TBC1D16: variants seen among roughly 807,000 people sequenced by gnomAD.
The protein encoded by TBC1D16 is TBC1 domain family member 16, also known as CTD-2529O21.1.
In TBC1D16, 58 loss-of-function variants were observed where a neutral mutation model predicts 74.7. That is an observed-to-expected ratio of 0.78 (90% confidence interval 0.63 to 0.97). The LOEUF (loss-of-function observed/expected upper bound fraction) is 0.97. Among genes scored for constraint, TBC1D16 ranks in the 50% least tolerant of loss-of-function variants. TBC1D16 has a pLI of 0.00. For missense variants in TBC1D16, 1,014 were observed against 1,079.5 expected, an observed-to-expected ratio of 0.94 and a Z score of 0.85; for synonymous variants, 493 against 474.7, an observed-to-expected ratio of 1.04 and a Z score of -0.50.
At chr17:79,964,949 A>T (rs763699114) in intron 3 of TBC1D16, among the ~76,000 whole-genome samples, 3 of 152,188 alleles carry the variant, frequency 2.0e-5, no homozygotes, top group Non-Finnish European at 2.9e-5. Context: ...AGAAGTAGAA[A>T]ATAATACTAA....
intron 3 of TBC1D16, among the ~76,000 whole-genome samples, chr17:79,998,722 T>C (rs1046720670): frequency 2.6e-5 from 4 of 151,980 alleles, no homozygotes; most frequent in African/African-American, 9.7e-5. Flanking sequence ...CTCATTTCCT[T>C]TTATCCATAA....
chr17:79,943,613 C>G (rs1034476538), intron 10 of TBC1D16, among the ~76,000 whole-genome samples: 2 of 144,954 alleles, frequency 1.4e-5, no homozygotes, highest in African/African-American at 2.5e-5. Flanking sequence ...GGGATGGGAC[C>G]GACCGTGGCT....
In TBC1D16 at chr17:79,941,226, A is replaced by C; in HGVS notation, c.2056-119T>G. 2.0e-6 allele frequency: 2 copies of C among 1,013,642 alleles called. No homozygotes were observed. Among genetic ancestry groups the C allele is most frequent in the Non-Finnish European group, 2.8e-6 (2 of 702,398 alleles). 62.8% of individuals were successfully genotyped at this position (1,013,642 alleles called of 1,614,324 possible). On this transcript the variant is annotated intron_variant, in intron 11 of 11. Transcript: ENST00000310924. The surrounding 1 kb of genome is among the most constrained non-coding windows in gnomAD (Gnocchi z 4.3). ...ACAACGGCCTGCACCTCGGGGGCTC[A>C]CCGAGTCCTGGACTGAGGGCTCTGC...
chr17:79,974,611 GA>G (rs2144159600), intron 3 of TBC1D16, among the ~76,000 whole-genome samples: 1 of 152,276 alleles, frequency 6.6e-6, no homozygotes, highest in East Asian at 1.9e-4. Context: ...AGTGAGGGGG[GA>G]CTATATGTAT....
intron 3 of TBC1D16, among the ~76,000 whole-genome samples, chr17:79,974,571 G>A (rs1174992332): frequency 6.6e-6 from 1 of 152,114 alleles, no homozygotes; most frequent in Non-Finnish European, 1.5e-5. Context: ...GTTGGCCGAG[G>A]GTAACTGAAA....
intron 3 of TBC1D16, among the ~76,000 whole-genome samples, chr17:79,969,994 A>G (rs773536125): frequency 6.6e-6 from 1 of 152,200 alleles, no homozygotes; most frequent in Non-Finnish European, 1.5e-5. Flanking sequence ...ATGTACACAC[A>G]TGTTCATAGT....
intron 1 of TBC1D16, among the ~76,000 whole-genome samples, chr17:80,014,055 T>A (rs1401485477): frequency 6.6e-6 from 1 of 152,138 alleles, no homozygotes; most frequent in African/African-American, 2.4e-5. Context: ...CCCTTCTAAT[T>A]CATTAAAAAG....
At chr17:80,003,800 A>G (rs2035579572) in intron 3 of TBC1D16, among the ~76,000 whole-genome samples, 1 of 152,210 alleles carries the variant, frequency 6.6e-6, no homozygotes, top group South Asian at 2.1e-4. Flanking sequence ...CTGTAATCCC[A>G]GCACTTTGGG....
At position 79,942,072 on chromosome 17, in the gene TBC1D16, G is replaced by T. The variant is rs150703060; in HGVS notation, c.2043C>A (p.Leu681=). ...GNLAMHMNGE[L]VLRKARSLLY... is the part of the protein sequence containing the mutation. The stretch of plus-strand genomic sequence containing the variant: ...GGGGCAGCCTCACCTTCCGGAGAAC[G>T]AGCTCCCCGTTCATGTGCATGGCCA... Residue 681 remains leucine, a synonymous_variant, in exon 11 of 12, where the codon CTC becomes CTA. Transcript: ENST00000310924. 1 of 1,611,620 alleles carries T rather than the reference G, an allele frequency of 6.2e-7. No individual in the cohort carries two copies. Among genetic ancestry groups the T allele is most frequent in the African/African-American group, 1.3e-5 (1 of 75,020 alleles).
At position 80,007,257 on chromosome 17, in the gene TBC1D16, G is replaced by A. The variant is rs1191610830; in HGVS notation, c.779+2903C>T. Among the ~76,000 whole-genome samples, 1 of 152,156 alleles carries A rather than the reference G, an allele frequency of 6.6e-6. No individual in the cohort carries two copies. The highest frequency in any genetic ancestry group is 1.5e-5 in the Non-Finnish European group (1 of 68,020). On this transcript the variant is annotated intron_variant, in intron 3 of 11. Coordinates refer to ENST00000310924, the MANE Select transcript of TBC1D16 (RefSeq NM_019020.4). The surrounding 1 kb of genome is among the most constrained non-coding windows in gnomAD (Gnocchi z 4.5). ...GCCGGGCTGTGGTAAGCACCCCCCA[G>A]CACGGTCTCCGGGTGGGGACGAGTC... is the stretch of plus-strand genomic sequence containing the variant.
chr17:79,963,888 C>T (rs1032809018), intron 3 of TBC1D16, among the ~76,000 whole-genome samples: 9 of 152,098 alleles, frequency 5.9e-5, no homozygotes, highest in African/African-American at 1.7e-4. Flanking sequence ...TTTGGAGACA[C>T]GTCTTTTCAA....
intron 1 of TBC1D16, among the ~76,000 whole-genome samples, chr17:80,030,732 C>T (rs917286258): frequency 6.6e-6 from 1 of 152,214 alleles, no homozygotes; most frequent in Non-Finnish European, 1.5e-5. Flanking sequence ...ACCAGAGGGA[C>T]GCAGCCCATG....
intron 7 of TBC1D16, 99 bp from the exon 8 acceptor site, chr17:79,949,105 G>C: frequency 1.3e-6 from 2 of 1,531,410 alleles, no homozygotes; most frequent in South Asian, 2.4e-5. Context: ...CCCAACCCCC[G>C]TTCCCTGGAC....
chr17:79,986,959 C>A lies in TBC1D16; in HGVS notation c.779+23201G>T, dbSNP rs1364043319. On this transcript the variant is annotated intron_variant, in intron 3 of 11. Transcript: ENST00000310924. The surrounding 1 kb of genome is among the most constrained non-coding windows in gnomAD (Gnocchi z 6.0). Reference sequence around the variant, plus strand: ...TACTTGGCTCCCTTCCCGGGATGGCCTTGTAGCAAATCCATCTGGGATATG... The same window carrying A: ...TACTTGGCTCCCTTCCCGGGATGGCATTGTAGCAAATCCATCTGGGATATG... Among the ~76,000 whole-genome samples, 2 of 152,244 alleles carry A rather than the reference C, an allele frequency of 1.3e-5. No individual in the cohort carries two copies. Among genetic ancestry groups the A allele is most frequent in the Non-Finnish European group, 2.9e-5 (2 of 68,042 alleles).
intron 3 of TBC1D16, among the ~76,000 whole-genome samples, chr17:79,995,020 C>T (rs750585716): frequency 5.9e-5 from 9 of 152,102 alleles, no homozygotes; most frequent in Non-Finnish European, 1.3e-4. Flanking sequence ...TAGCTATGGC[C>T]GGGCACCGTG....
At position 79,961,735 on chromosome 17, in the gene TBC1D16, C is replaced by T. The variant is rs576831946; in HGVS notation, c.780-8917G>A. Among the ~76,000 whole-genome samples, 97 of 152,158 alleles carry T rather than the reference C, an allele frequency of 6.4e-4. No individual in the cohort carries two copies. The highest frequency in any genetic ancestry group is 4.5e-3 in the Admixed American group (69 of 15,282). ...AAAATCAGCCAGACGTGGTGGCGGGCGCCTATAATCCCAGCTACTCGGGAG... is the reference window on the plus strand; with the variant it reads ...AAAATCAGCCAGACGTGGTGGCGGGTGCCTATAATCCCAGCTACTCGGGAG... On this transcript the variant is annotated intron_variant, in intron 3 of 11. Transcript: ENST00000310924. This position sits in a 1 kb window ranked among gnomAD's most constrained non-coding sequence, Gnocchi z 4.8.
In TBC1D16 at chr17:79,944,313, A is replaced by C. The variant is rs1336093660; in HGVS notation, c.1908+595T>G. 6.6e-6 allele frequency among the ~76,000 whole-genome samples: 1 copy of C among 152,040 alleles called. No homozygotes were observed. The highest frequency in any genetic ancestry group is 1.5e-5 in the Non-Finnish European group (1 of 68,010). ...CTGATGGACTCAAAGAGACTTGCTT[A>C]TCTTTTGACATCTCCAGCTTGTCCC... is the stretch of plus-strand genomic sequence containing the variant. On this transcript the variant is annotated intron_variant, in intron 10 of 11. Transcript: ENST00000310924. This position sits in a 1 kb window ranked among gnomAD's most constrained non-coding sequence, Gnocchi z 7.7.
At chr17:79,948,098 G>A (rs1180971980) in intron 8 of TBC1D16, among the ~76,000 whole-genome samples, 1 of 152,178 alleles carries the variant, frequency 6.6e-6, no homozygotes, top group Non-Finnish European at 1.5e-5. Flanking sequence ...ATCACCTGAG[G>A]TCAGGAGTTC....
Position 79,950,178 on chromosome 17 carries a change from C to A in TBC1D16, c.1257+233G>T, listed in dbSNP as rs550672738. Among the ~76,000 whole-genome samples the A allele has an allele frequency of 2.6e-5, 4 of 152,012 alleles. No individual in the cohort carries two copies. Among genetic ancestry groups the A allele is most frequent in the African/African-American group, 7.2e-5 (3 of 41,506 alleles). On this transcript the variant is annotated intron_variant, in intron 6 of 11. Transcript: ENST00000310924. This position sits in a 1 kb window ranked among gnomAD's most constrained non-coding sequence, Gnocchi z 4.6. ...CCTTCTATGCAGGCTGACACGGTAT[C>A]CCCCCAAACCCTCGAGGGAGGTGTT...
Sources: gnomAD v4.1 joint callset for allele counts (sites outside exome capture counted in the v4.1 genomes callset) on GRCh38, gnomAD v4.1.1 for gene constraint, Gnocchi (gnomAD v3.1) non-coding constraint, MANE v1.5 for transcripts, NCBI Gene and HGNC (gene_info 2026-07-23, HGNC 2026-07-21) for gene names.